The following GASK1A variants were observed in gnomAD, a reference collection of about 807,000 sequenced individuals.
GASK1A encodes golgi associated kinase 1A.
Under a neutral mutation model 41.2 loss-of-function variants are expected in GASK1A, and 40 were observed. That is an observed-to-expected ratio of 0.97 (90% CI 0.75 to 1.27). The LOEUF (loss-of-function observed/expected upper bound fraction) is 1.27, where lower values mean the gene tolerates loss of function less well. Among genes scored for constraint, GASK1A ranks in the 50% most tolerant of loss-of-function variants. The probability of loss-of-function intolerance (pLI) is 0.00; values close to 1 mark genes in which losing one functional copy is unlikely to be tolerated. For synonymous variants in GASK1A, 316 were observed against 307.1 expected (o/e 1.03, Z -0.30); for missense variants, 678 against 745.1 (o/e 0.91, Z 1.05).
chr3:43,031,368 A>G (rs1031623949), intron 1 of GASK1A, among the ~76,000 whole-genome samples: 2 of 152,106 alleles, frequency 1.3e-5, no homozygotes, highest in African/African-American at 2.4e-5. Context: ...CATCAGAATT[A>G]CCCAGAGTAC....
intron 1 of GASK1A, among the ~76,000 whole-genome samples, chr3:43,018,218 T>A (rs1441584956): frequency 1.3e-5 from 2 of 152,214 alleles, no homozygotes; most frequent in African/African-American, 4.8e-5. Flanking sequence ...AAGTGAGAAG[T>A]ACATGGGCTA....
intron 1 of GASK1A, among the ~76,000 whole-genome samples, chr3:42,982,627 G>C (rs1439118678): frequency 6.6e-6 from 1 of 152,186 alleles, no homozygotes; most frequent in African/African-American, 2.4e-5. Flanking sequence ...TTCAGGATTG[G>C]GGCTGATTTC....
intron 2 of GASK1A, among the ~76,000 whole-genome samples, chr3:43,044,493 G>C (rs2089652580): frequency 6.6e-6 from 1 of 152,126 alleles, no homozygotes; most frequent in Non-Finnish European, 1.5e-5. Context: ...TTTACATCCT[G>C]TGTGGTCCTC....
chr3:43,002,299 T>C (rs1198832967), intron 1 of GASK1A, among the ~76,000 whole-genome samples: 1 of 152,198 alleles, frequency 6.6e-6, no homozygotes, highest in Non-Finnish European at 1.5e-5. Context: ...TGATGGCATA[T>C]CAATTTCTTT....
At chr3:42,990,554 C>A (rs1176861152) in intron 1 of GASK1A, among the ~76,000 whole-genome samples, 2 of 152,140 alleles carry the variant, frequency 1.3e-5, no homozygotes, top group African/African-American at 4.8e-5. Context: ...TCCATTTGAG[C>A]ATTGAGATGA....
At chr3:42,994,555 A>G (rs1292983817) in intron 1 of GASK1A, among the ~76,000 whole-genome samples, 1 of 152,018 alleles carries the variant, frequency 6.6e-6, no homozygotes, top group Non-Finnish European at 1.5e-5. Flanking sequence ...CCTCCGATGC[A>G]GTTTTCTGCT....
intron 2 of GASK1A, among the ~76,000 whole-genome samples, chr3:43,036,235 C>T (rs1326019543): frequency 6.6e-6 from 1 of 152,194 alleles, no homozygotes; most frequent in African/African-American, 2.4e-5. Flanking sequence ...GCCACCTCTT[C>T]CCTGGTTTGC....
intron 2 of GASK1A, among the ~76,000 whole-genome samples, chr3:43,036,187 G>A (rs1165867605): frequency 6.6e-6 from 1 of 152,222 alleles, no homozygotes; most frequent in African/African-American, 2.4e-5. Context: ...GCATACACAG[G>A]TTGGTTATAT....
At chr3:43,024,705 T>G (rs2089537850) in intron 1 of GASK1A, among the ~76,000 whole-genome samples, 1 of 152,166 alleles carries the variant, frequency 6.6e-6, no homozygotes, top group Admixed American at 6.5e-5. Flanking sequence ...TAACCCCTCT[T>G]ATCTGACAGC....
At chr3:43,012,933 AGTGTGAAGCCACAGGAAGGGGCT>A (rs2089471059) in intron 1 of GASK1A, among the ~76,000 whole-genome samples, 1 of 149,440 alleles carries the variant, frequency 6.7e-6, no homozygotes, top group South Asian at 2.2e-4. Context: ...AGGAAGAAGC[AGTGTGAAGCCACAGGAAGGGGCT>A]GTGTGAATCA....
At chr3:43,003,946 T>C (rs2125677651) in intron 1 of GASK1A, among the ~76,000 whole-genome samples, 1 of 152,352 alleles carries the variant, frequency 6.6e-6, no homozygotes, top group South Asian at 2.1e-4. Flanking sequence ...CACTACTGTA[T>C]CAGTGACTCT....
chr3:43,018,699 A>G (rs574422494), intron 1 of GASK1A, among the ~76,000 whole-genome samples: 5 of 152,280 alleles, frequency 3.3e-5, no homozygotes, highest in Admixed American at 6.5e-5. Flanking sequence ...ACCTAAAAAT[A>G]TTTTTATTTT....
chr3:42,982,733 C>T (rs572192605), intron 1 of GASK1A, among the ~76,000 whole-genome samples: 8 of 152,298 alleles, frequency 5.3e-5, no homozygotes, highest in Admixed American at 2.0e-4. Context: ...TGAATTGCTC[C>T]GGCCTCTTTC....
intron 1 of GASK1A, among the ~76,000 whole-genome samples, chr3:43,011,379 T>G (rs2089462732): frequency 1.1e-5 from 1 of 89,420 alleles, no homozygotes; most frequent in Admixed American, 1.3e-4. Context: ...AGACTCCATC[T>G]CAAAAAAAAA....
chr3:43,006,558 G>A (rs535996476), intron 1 of GASK1A, among the ~76,000 whole-genome samples: 12 of 152,158 alleles, frequency 7.9e-5, no homozygotes, highest in African/African-American at 2.2e-4. Flanking sequence ...GAAGTCCACA[G>A]CCATTCTGAT....
intron 1 of GASK1A, among the ~76,000 whole-genome samples, chr3:42,991,837 C>T (rs2089342443): frequency 6.6e-6 from 1 of 152,168 alleles, no homozygotes; most frequent in African/African-American, 2.4e-5. Flanking sequence ...TGTATGCCTC[C>T]TGGGGGACCT....
chr3:43,051,525 T>G (rs1335245090), intron 2 of GASK1A, among the ~76,000 whole-genome samples: 2 of 152,244 alleles, frequency 1.3e-5, no homozygotes, highest in Non-Finnish European at 2.9e-5. Flanking sequence ...TGCACAGTCC[T>G]ACACATGTGC....
At chr3:43,024,364 G>C (rs186441450) in intron 1 of GASK1A, among the ~76,000 whole-genome samples, 1 of 152,252 alleles carries the variant, frequency 6.6e-6, no homozygotes, top group African/African-American at 2.4e-5. Flanking sequence ...ATTTGCTCTC[G>C]CAATTTGCCT....
chr3:43,013,891 G>C (rs1575441445), intron 1 of GASK1A, among the ~76,000 whole-genome samples: 1 of 151,956 alleles, frequency 6.6e-6, no homozygotes, highest in Admixed American at 6.5e-5. Flanking sequence ...GGAAGGGGCA[G>C]TGGGAAGTCA....
Sources: allele counts gnomAD v4.1 joint callset (sites outside exome capture counted in the v4.1 genomes callset), GRCh38; gene constraint gnomAD v4.1.1; transcripts MANE v1.5; gene names NCBI Gene and HGNC (gene_info 2026-07-23, HGNC 2026-07-21).